Variants in MYT1L observed in about 807,000 individuals in gnomAD.
MYT1L encodes the protein myelin transcription factor 1-like protein.
A neutral mutation model predicts 126.7 loss-of-function variants in MYT1L; 12 were observed. That is an observed-to-expected ratio of 0.09 (90% CI 0.06 to 0.15). MYT1L has a LOEUF of 0.15. MYT1L is among the 10% of genes least tolerant of loss of function. The pLI is 1.00. For missense variants in MYT1L, 979 were observed against 1,585.2 expected, an observed-to-expected ratio of 0.62 and a Z score of 6.49; for synonymous variants, 541 against 604.2, an observed-to-expected ratio of 0.90 and a Z score of 1.53.
intron 2 of MYT1L, among the ~76,000 whole-genome samples, chr2:2,277,689 G>C (rs2095384894): frequency 6.6e-6 from 1 of 152,132 alleles, no homozygotes; most frequent in African/African-American, 2.4e-5. Context: ...CAGCTATAAA[G>C]TTACTGCCCT....
intron 14 of MYT1L, among the ~76,000 whole-genome samples, chr2:1,901,427 A>G (rs2050326544): frequency 6.6e-6 from 1 of 152,226 alleles, no homozygotes; most frequent in African/African-American, 2.4e-5. Context: ...GATGACAAGA[A>G]ACCTGAAATT....
chr2:1,876,423 C>T (rs531247928), intron 18 of MYT1L, among the ~76,000 whole-genome samples: 1 of 152,072 alleles, frequency 6.6e-6, no homozygotes, highest in Non-Finnish European at 1.5e-5. Context: ...CCCCAGAGCA[C>T]CCCCACACAT....
chr2:2,152,588 G>C (rs2085988182), intron 3 of MYT1L, among the ~76,000 whole-genome samples: 2 of 152,194 alleles, frequency 1.3e-5, no homozygotes, highest in South Asian at 4.1e-4. Context: ...ATGTCATTCT[G>C]TGCAGAGGAC....
intron 2 of MYT1L, among the ~76,000 whole-genome samples, chr2:2,246,720 AG>A (rs1291660313): frequency 6.6e-6 from 1 of 152,264 alleles, no homozygotes; most frequent in African/African-American, 2.4e-5. Context: ...ATAAGGCTAC[AG>A]GGACTTCAAA....
At chr2:1,992,072 T>G (rs781290358) in intron 5 of MYT1L, among the ~76,000 whole-genome samples, 61 of 152,312 alleles carry the variant, frequency 4.0e-4, no homozygotes, top group Non-Finnish European at 6.5e-4. Context: ...ACGCCCCTAA[T>G]TCCTATCGCA....
intron 2 of MYT1L, among the ~76,000 whole-genome samples, chr2:2,182,876 C>T (rs937550665): frequency 6.6e-6 from 1 of 152,118 alleles, no homozygotes; most frequent in Non-Finnish European, 1.5e-5. Flanking sequence ...GGCCTCCAGG[C>T]AGGACAGAGT....
chr2:2,254,968 T>C (rs1294724579), intron 2 of MYT1L, among the ~76,000 whole-genome samples: 1 of 152,228 alleles, frequency 6.6e-6, no homozygotes, highest in East Asian at 1.9e-4. Flanking sequence ...CCTACATAAA[T>C]ATTTCCAGTT....
intron 4 of MYT1L, among the ~76,000 whole-genome samples, chr2:2,031,847 C>T (rs552374357): frequency 1.5e-5 from 2 of 135,926 alleles, no homozygotes; most frequent in South Asian, 5.1e-4. Context: ...CACCCCTCGC[C>T]AGTGCCTCTC....
intron 18 of MYT1L, among the ~76,000 whole-genome samples, chr2:1,870,959 C>T (rs11675862): frequency 0.19 from 29,406 of 152,120 alleles, 3,237 homozygotes; most frequent in East Asian, 0.37. Flanking sequence ...TCTGCTTTAC[C>T]CGCCCTGCCC....
intron 8 of MYT1L, among the ~76,000 whole-genome samples, chr2:1,973,924 C>A (rs1247909635): frequency 6.6e-6 from 1 of 152,228 alleles, no homozygotes; most frequent in Non-Finnish European, 1.5e-5. Context: ...GCCTTCCCAG[C>A]CAGCAAACTG....
intron 3 of MYT1L, among the ~76,000 whole-genome samples, chr2:2,069,099 T>A (rs2074276411): frequency 6.6e-6 from 1 of 151,970 alleles, no homozygotes; most frequent in South Asian, 2.1e-4. Context: ...ATACTTTAAG[T>A]TCTGGGGTAC....
At chr2:2,278,746 A>C (rs1049100874) in intron 2 of MYT1L, among the ~76,000 whole-genome samples, 59 of 152,332 alleles carry the variant, frequency 3.9e-4, no homozygotes, top group African/African-American at 1.3e-3. Context: ...AATTTAATGT[A>C]TAAAGTTATA....
At chr2:2,241,841 A>G (rs1417418738) in intron 2 of MYT1L, among the ~76,000 whole-genome samples, 2 of 152,198 alleles carry the variant, frequency 1.3e-5, no homozygotes, top group African/African-American at 4.8e-5. Flanking sequence ...GTCACAAAAG[A>G]ACAGATACCG....
intron 5 of MYT1L, among the ~76,000 whole-genome samples, chr2:1,983,093 C>A (rs577739455): frequency 1.4e-4 from 22 of 151,944 alleles, no homozygotes; most frequent in Non-Finnish European, 2.5e-4. Flanking sequence ...TTAAATAAAT[C>A]ATATTCCCTC....
At chr2:1,896,765 C>T (rs533143619) in intron 14 of MYT1L, among the ~76,000 whole-genome samples, 1 of 152,156 alleles carries the variant, frequency 6.6e-6, no homozygotes, top group Non-Finnish European at 1.5e-5. Flanking sequence ...GTGTAATGAA[C>T]ATGCACAGGT....
At chr2:1,915,801 A>C (rs2052737655) in intron 11 of MYT1L, among the ~76,000 whole-genome samples, 3 of 152,220 alleles carry the variant, frequency 2.0e-5, no homozygotes, top group Admixed American at 1.3e-4. Flanking sequence ...GTTTAAGAAG[A>C]TATGGCATAT....
At chr2:1,859,533 A>G (rs976328331) in intron 18 of MYT1L, among the ~76,000 whole-genome samples, 2 of 152,226 alleles carry the variant, frequency 1.3e-5, no homozygotes, top group African/African-American at 2.4e-5. Context: ...GTGTGCAAGA[A>G]CTGTGAAGTT....
intron 2 of MYT1L, among the ~76,000 whole-genome samples, chr2:2,272,357 C>T (rs1019292331): frequency 4.6e-5 from 7 of 152,306 alleles, no homozygotes; most frequent in African/African-American, 1.7e-4. Flanking sequence ...CCTGGCCTCA[C>T]CCTGCCCCCG....
chr2:2,099,980 A>C lies in MYT1L; in HGVS notation c.-303-45857T>G, dbSNP rs78516702. On this transcript the variant is annotated intron_variant, in intron 3 of 24. Transcript: ENST00000647738. ...TCTGTTGAGTGGGAATGGGCGCCAT[A>C]GGCCTTGTCCATCCTCACCCTGTCC... 2.4e-3 allele frequency among the ~76,000 whole-genome samples: 371 copies of C among 152,332 alleles called. 3 individuals carry two copies. The highest frequency in any genetic ancestry group is 8.7e-3 in the African/African-American group (361 of 41,584).
Sources: gnomAD v4.1 joint callset for allele counts (sites outside exome capture counted in the v4.1 genomes callset) on GRCh38, gnomAD v4.1.1 for gene constraint, MANE v1.5 for transcripts, NCBI Gene and HGNC (gene_info 2026-07-23, HGNC 2026-07-21) for gene names.